Variants in SH3BGR observed in about 807,000 individuals in gnomAD.
SH3BGR encodes the protein SH3 domain-binding glutamic acid-rich protein.
In SH3BGR, 29 loss-of-function variants were observed where a neutral mutation model predicts 24.5. The observed-to-expected ratio is 1.18, with a 90% confidence interval of 0.88 to 1.61. The LOEUF (loss-of-function observed/expected upper bound fraction) is 1.61, where lower values mean the gene tolerates loss of function less well. Among genes scored for constraint, SH3BGR ranks in the 40% most tolerant of loss-of-function variants. The pLI is 0.00. For synonymous variants in SH3BGR, 55 were observed against 65.7 expected (o/e 0.84, Z 0.79); for missense variants, 162 against 205.8 (o/e 0.79, Z 1.30).
rs755926486 is a variant in SH3BGR at position 39,499,930 on chromosome 21, T to C, written c.405+15T>C. 8.9e-6 allele frequency: 14 copies of C among 1,575,656 alleles called. No individual in the cohort carries two copies. The South Asian group carries it at 1.4e-4, about 16-fold the overall frequency. ...AGGAGAAGAATGTGAGTTTTCGCTT[T>C]TTCACAGCAGTTTGACTGGATTCTC... On this transcript the variant is annotated intron_variant, in intron 4 of 6. Coordinates refer to ENST00000333634, the MANE Select transcript of SH3BGR (RefSeq NM_007341.3).
rs775199325 is a variant in SH3BGR, at chr21:39,515,069, T to C, written c.*35-19T>C. ...GTCTTTCTCTACAGTCTTTCCCTAATATTTGCCTTTTCTTTTAGAAAATGG... is the reference window on the plus strand; with the variant it reads ...GTCTTTCTCTACAGTCTTTCCCTAACATTTGCCTTTTCTTTTAGAAAATGG... On this transcript the variant is annotated intron_variant, in intron 6 of 6. Coordinates refer to ENST00000333634, the MANE Select transcript of SH3BGR (RefSeq NM_007341.3). The C allele has an allele frequency of 3.8e-5, 18 of 468,740 alleles. No homozygotes were observed. The highest frequency in any genetic ancestry group is 6.6e-5 in the Non-Finnish European group (15 of 226,024). 29.0% of individuals were successfully genotyped at this position (468,740 alleles called of 1,614,324 possible).
chr21:39,495,445 A>G (rs1425898293), intron 3 of SH3BGR, among the ~76,000 whole-genome samples: 1 of 151,866 alleles, frequency 6.6e-6, no homozygotes, highest in African/African-American at 2.4e-5. Context: ...AGTTGTACCA[A>G]GATCAATCTC....
At chr21:39,491,180 T>C (rs995840208) in intron 3 of SH3BGR, among the ~76,000 whole-genome samples, 1 of 140,048 alleles carries the variant, frequency 7.1e-6, no homozygotes, top group East Asian at 2.2e-4. Context: ...ATTTATTTAT[T>C]TTATTTTTTA....
At chr21:39,512,938 G>C (rs930673855) in intron 6 of SH3BGR, among the ~76,000 whole-genome samples, 1 of 152,174 alleles carries the variant, frequency 6.6e-6, no homozygotes, top group Admixed American at 6.5e-5. Flanking sequence ...AACTGAATTT[G>C]AGGCCATAGT....
chr21:39,501,895 CG>C (rs2078500227), intron 4 of SH3BGR, among the ~76,000 whole-genome samples: 1 of 152,186 alleles, frequency 6.6e-6, no homozygotes, highest in Non-Finnish European at 1.5e-5. Flanking sequence ...GAGATGGGGC[CG>C]GGCGCATGGC....
In SH3BGR at chr21:39,508,421, C is replaced by G. The variant is rs562093647; in HGVS notation, c.406-577C>G. On this transcript the variant is annotated intron_variant, in intron 4 of 6. Coordinates refer to ENST00000333634, the MANE Select transcript of SH3BGR (RefSeq NM_007341.3). ...GGGCTGGTGGCTTGCACAGTAGAGA[C>G]CTATTTGAGCCTTGGGTGACCCCAC... is the stretch of plus-strand genomic sequence containing the variant. 1.4e-4 allele frequency among the ~76,000 whole-genome samples: 22 copies of G among 152,282 alleles called. No individual in the cohort carries two copies. The South Asian group carries it at 3.5e-3, about 24-fold the overall frequency.
At chr21:39,497,905 T>C (rs2078426350) in intron 3 of SH3BGR, among the ~76,000 whole-genome samples, 1 of 152,206 alleles carries the variant, frequency 6.6e-6, no homozygotes, top group South Asian at 2.1e-4. Flanking sequence ...TGCCACCTTT[T>C]TGAAAACTAA....
chr21:39,482,949 A>T (rs2078155544), intron 3 of SH3BGR, among the ~76,000 whole-genome samples: 1 of 152,228 alleles, frequency 6.6e-6, no homozygotes, highest in Non-Finnish European at 1.5e-5. Context: ...GATTACAGGC[A>T]TGAGCCACTG....
chr21:39,446,436 C>G (rs1242248286), intron 1 of SH3BGR, among the ~76,000 whole-genome samples: 1 of 152,114 alleles, frequency 6.6e-6, no homozygotes, highest in Non-Finnish European at 1.5e-5. Flanking sequence ...CTGACTGTTT[C>G]CTTAGGATAA....
chr21:39,508,719 T>TC (rs2078624562), intron 4 of SH3BGR, among the ~76,000 whole-genome samples: 1 of 152,228 alleles, frequency 6.6e-6, no homozygotes, highest in Admixed American at 6.5e-5. Flanking sequence ...ATTGAATGTA[T>TC]TACTAAGCAG....
chr21:39,505,490 C>T (rs1016630475), intron 4 of SH3BGR, among the ~76,000 whole-genome samples: 3 of 152,070 alleles, frequency 2.0e-5, no homozygotes, highest in East Asian at 3.9e-4. Context: ...GAGCCAGATG[C>T]GGTGTCTCAC....
intron 3 of SH3BGR, among the ~76,000 whole-genome samples, chr21:39,490,581 C>T (rs568073423): frequency 7.9e-5 from 12 of 152,210 alleles, no homozygotes; most frequent in African/African-American, 1.9e-4. Flanking sequence ...TTTCTGGTAA[C>T]GCCCTTTGTC....
chr21:39,510,603 C>A (rs1416349589), intron 5 of SH3BGR, among the ~76,000 whole-genome samples: 3 of 151,976 alleles, frequency 2.0e-5, no homozygotes, highest in Non-Finnish European at 4.4e-5. Flanking sequence ...TCAAACCAAC[C>A]CCTCTTCTTA....
chr21:39,473,858 C>T (rs1010456324), intron 2 of SH3BGR, among the ~76,000 whole-genome samples: 3 of 146,618 alleles, frequency 2.0e-5, no homozygotes, highest in African/African-American at 7.5e-5. Flanking sequence ...GTACTCCAGC[C>T]TGGGAGACAC....
intron 3 of SH3BGR, among the ~76,000 whole-genome samples, chr21:39,493,098 C>T (rs1049264704): frequency 6.6e-6 from 1 of 152,136 alleles, no homozygotes; most frequent in Non-Finnish European, 1.5e-5. Flanking sequence ...GTTCCTTTTG[C>T]CGTGCAAAAG....
chr21:39,474,296 G>A (rs1191170802), intron 2 of SH3BGR, among the ~76,000 whole-genome samples: 4 of 152,120 alleles, frequency 2.6e-5, no homozygotes, highest in Non-Finnish European at 5.9e-5. Context: ...TACACTAAGA[G>A]TAGGGTAGGC....
chr21:39,488,902 CT>C (rs1302985417), intron 3 of SH3BGR: 3 of 159,208 alleles, frequency 1.9e-5, no homozygotes, highest in African/African-American at 7.2e-5. Flanking sequence ...CATCTTGTCT[CT>C]TTTGGATAAT....
chr21:39,471,140 GTCT>G (rs1045313215), intron 2 of SH3BGR, among the ~76,000 whole-genome samples: 2 of 148,728 alleles, frequency 1.3e-5, no homozygotes, highest in African/African-American at 5.0e-5. Context: ...CTTTCTCTTC[GTCT>G]TCTTCTTCCC....
At chr21:39,456,557 G>C (rs78655815) in intron 1 of SH3BGR, among the ~76,000 whole-genome samples, 27,450 of 152,106 alleles carry the variant, frequency 0.18, 2,599 homozygotes, top group Middle Eastern at 0.27. Flanking sequence ...TCCATGTGGG[G>C]TAGCAGTTTC....
Sources: allele counts gnomAD v4.1 joint callset (sites outside exome capture counted in the v4.1 genomes callset), GRCh38; gene constraint gnomAD v4.1.1; transcripts MANE v1.5; gene names NCBI Gene and HGNC (gene_info 2026-07-23, HGNC 2026-07-21).